ARNT2: variants seen among roughly 807,000 people sequenced by gnomAD.
ARNT2 encodes the protein aryl hydrocarbon receptor nuclear translocator 2, also known as ARNT protein 2.
ARNT2 carries 36 observed loss-of-function variants against 91.7 expected under a neutral mutation model. That is an observed-to-expected ratio of 0.39 (90% CI 0.30 to 0.52). ARNT2 has a LOEUF of 0.52. Ranked by LOEUF, ARNT2 falls within the 20% of genes least tolerant of loss-of-function variation. The pLI is 0.72. For synonymous variants in ARNT2, 365 were observed against 347.1 expected, an observed-to-expected ratio of 1.05 and a Z score of -0.57; for missense variants, 775 against 939.3, an observed-to-expected ratio of 0.83 and a Z score of 2.29.
Position 80,404,486 on chromosome 15 carries a change from C to T in ARNT2, c.-30C>T. On this transcript the variant is annotated 5_prime_UTR_variant, in exon 1 of 19. Coordinates refer to ENST00000303329, the MANE Select transcript of ARNT2 (RefSeq NM_014862.4). The surrounding 1 kb of genome is among the most constrained non-coding windows in gnomAD (Gnocchi z 5.5). ...CCGCGCCGCCCCTCCCGCGCCCCTGCCAAGCGGGCGCCTATCCTCTCCGAG... is the reference window on the plus strand; with the variant it reads ...CCGCGCCGCCCCTCCCGCGCCCCTGTCAAGCGGGCGCCTATCCTCTCCGAG... 8.1e-7 allele frequency: 1 copy of T among 1,227,958 alleles called. No homozygotes were observed. Among genetic ancestry groups the T allele is most frequent in the Non-Finnish European group, 1.0e-6 (1 of 965,668 alleles). 76.1% of individuals were successfully genotyped at this position (1,227,958 alleles called of 1,614,324 possible).
Position 80,591,522 on chromosome 15 carries a change from A to G in ARNT2, c.1919-46A>G, listed in dbSNP as rs199635269. 11 of 1,609,936 alleles carry G rather than the reference A, an allele frequency of 6.8e-6. No individual in the cohort carries two copies. The Admixed American group carries it at 1.5e-4, about 22-fold the overall frequency. On this transcript the variant is annotated intron_variant, in intron 17 of 18. Transcript: ENST00000303329. This position sits in a 1 kb window ranked among gnomAD's most constrained non-coding sequence, Gnocchi z 5.1. ...AGTGGTTCTTAGGTCTCACAGAACC[A>G]CGGGATGGCTTTTAAAGGAAGTGTC...
intron 5 of ARNT2, among the ~76,000 whole-genome samples, chr15:80,481,698 G>A (rs1281579106): frequency 6.6e-6 from 1 of 152,098 alleles, no homozygotes; most frequent in Non-Finnish European, 1.5e-5. Flanking sequence ...GGGTGACAGA[G>A]CGAGACCCTG....
In ARNT2 at chr15:80,591,711, C is replaced by T. The variant is rs11858404; in HGVS notation, c.2055+7C>T. 3.7e-6 allele frequency: 6 copies of T among 1,613,700 alleles called. No homozygotes were observed. The highest frequency in any genetic ancestry group is 2.7e-5 in the African/African-American group (2 of 75,042). ...TCAGACTGAAGTGTTCCAGGTAAAT[C>T]GAGCGAGCACCGCCTTCTCGTAGGT... On this transcript the variant is annotated splice_region_variant and intron_variant, in intron 18 of 18. Coordinates refer to ENST00000303329, the MANE Select transcript of ARNT2 (RefSeq NM_014862.4). The surrounding 1 kb of genome is among the most constrained non-coding windows in gnomAD (Gnocchi z 5.1).
chr15:80,547,374 A>G (rs539809696), intron 8 of ARNT2, among the ~76,000 whole-genome samples: 1 of 152,318 alleles, frequency 6.6e-6, no homozygotes, highest in South Asian at 2.1e-4. Context: ...GCTTCACTTA[A>G]GAATGTCCCT....
At chr15:80,472,077 T>C (rs922813720) in intron 4 of ARNT2, among the ~76,000 whole-genome samples, 1 of 148,308 alleles carries the variant, frequency 6.7e-6, no homozygotes, top group African/African-American at 2.5e-5. Flanking sequence ...AGGTGATGGA[T>C]TTGAAAGCAC....
chr15:80,421,000 A>G (rs1895852525), intron 1 of ARNT2, among the ~76,000 whole-genome samples: 3 of 152,218 alleles, frequency 2.0e-5, no homozygotes, highest in African/African-American at 7.2e-5. Context: ...TAGGGAACCA[A>G]CCTAAGTACC....
intron 1 of ARNT2, among the ~76,000 whole-genome samples, chr15:80,413,067 A>T (rs2141554906): frequency 6.6e-6 from 1 of 151,188 alleles, no homozygotes; most frequent in East Asian, 1.9e-4. Context: ...TCAGTGATTT[A>T]ATAATTTCAG....
At chr15:80,499,822 T>G (rs778861053) in intron 5 of ARNT2, among the ~76,000 whole-genome samples, 2 of 152,158 alleles carry the variant, frequency 1.3e-5, no homozygotes, top group African/African-American at 4.8e-5. Context: ...TGGCAGCTCT[T>G]TTTTTGACTT....
intron 4 of ARNT2, among the ~76,000 whole-genome samples, chr15:80,471,986 C>G (rs908696850): frequency 3.9e-5 from 6 of 152,092 alleles, no homozygotes; most frequent in Admixed American, 1.3e-4. Flanking sequence ...GGCAAATACT[C>G]TAAGCTTCAG....
intron 10 of ARNT2, among the ~76,000 whole-genome samples, chr15:80,553,072 A>G (rs1402194990): frequency 1.3e-5 from 2 of 152,210 alleles, no homozygotes; most frequent in Admixed American, 1.3e-4. Context: ...ATTAATATTC[A>G]TTACAAAGCT....
At position 80,469,974 on chromosome 15, in the gene ARNT2, G is replaced by T. The variant is rs554483828; in HGVS notation, c.195-244G>T. Among the ~76,000 whole-genome samples the T allele has an allele frequency of 2.0e-5, 3 of 152,256 alleles. No individual in the cohort carries two copies. The South Asian group carries it at 6.2e-4, about 32-fold the overall frequency. On this transcript the variant is annotated intron_variant, in intron 3 of 18. Coordinates refer to ENST00000303329, the MANE Select transcript of ARNT2 (RefSeq NM_014862.4). Reference sequence around the variant, plus strand: ...CTCAGGCATATGGGAGTAATTAGAAGATTTTGATATGTATTTAGAGATTGA... The same window carrying T: ...CTCAGGCATATGGGAGTAATTAGAATATTTTGATATGTATTTAGAGATTGA...
At chr15:80,555,327 T>A (rs570166627) in intron 11 of ARNT2, 188 bp downstream of exon 11, 1 of 571,582 alleles carries the variant, frequency 1.7e-6, no homozygotes. Flanking sequence ...AGTAAATAAG[T>A]ACTATGTAAT....
chr15:80,483,887 G>A (rs1896927054), intron 5 of ARNT2, among the ~76,000 whole-genome samples: 1 of 152,222 alleles, frequency 6.6e-6, no homozygotes, highest in Non-Finnish European at 1.5e-5. Flanking sequence ...AGGACAGACT[G>A]TTGAGTTCAG....
At chr15:80,528,918 GA>G (rs1255409835) in intron 8 of ARNT2, among the ~76,000 whole-genome samples, 1 of 152,140 alleles carries the variant, frequency 6.6e-6, no homozygotes, top group Non-Finnish European at 1.5e-5. Context: ...TCTTTTTCAA[GA>G]AACAGGTTTG....
chr15:80,528,366 T>TTATCTATCTATC (rs149942992), intron 8 of ARNT2, among the ~76,000 whole-genome samples: 222 of 148,878 alleles, frequency 1.5e-3, no homozygotes, highest in East Asian at 2.4e-3. Flanking sequence ...ATTTGACCAT[T>TTATCTATCTATC]TATCTATCTA....
At chr15:80,573,123 A>T (rs1898613062) in intron 12 of ARNT2, among the ~76,000 whole-genome samples, 1 of 152,202 alleles carries the variant, frequency 6.6e-6, no homozygotes, top group African/African-American at 2.4e-5. Context: ...CACTTCCCCA[A>T]CACCGTGTGA....
At chr15:80,507,907 G>A (rs1334420850) in intron 5 of ARNT2, among the ~76,000 whole-genome samples, 3 of 152,104 alleles carry the variant, frequency 2.0e-5, no homozygotes, top group Non-Finnish European at 2.9e-5. Flanking sequence ...TGCAGGCGAC[G>A]GAATCCAGCA....
At position 80,597,212 on chromosome 15, in the gene ARNT2, C is replaced by T. The variant is rs1893387792; in HGVS notation, c.*3514C>T. On this transcript the variant is annotated 3_prime_UTR_variant, in exon 19 of 19. Transcript: ENST00000303329. ...AGTCCCAGGGAATGAATGGTGGTCT[C>T]CCCACTCCCGGCAGCACTTTAGGCA... is the stretch of plus-strand genomic sequence containing the variant. 1.9e-6 allele frequency: 1 copy of T among 518,330 alleles called. No individual in the cohort carries two copies. The highest frequency in any genetic ancestry group is 1.9e-5 in the African/African-American group (1 of 51,764). The allele number at this position is 518,330 out of a possible 1,614,324, so 32.1% of individuals were successfully genotyped here.
Position 80,542,562 on chromosome 15 carries a change from GT to G in ARNT2, c.878-8636del, listed in dbSNP as rs1284543298. ...GTGTCACTTCCACTGTATTTTATTG[GT>G]CAAATAGTTGCAGAGGAATCTAACT... On this transcript the variant is annotated intron_variant, in intron 8 of 18. Transcript: ENST00000303329. Among the ~76,000 whole-genome samples the G allele has an allele frequency of 5.9e-5, 9 of 152,070 alleles. No individual in the cohort carries two copies. In the East Asian group the frequency reaches 1.5e-3, roughly 26 times the overall value.
Sources: allele counts gnomAD v4.1 joint callset (sites outside exome capture counted in the v4.1 genomes callset), GRCh38; gene constraint gnomAD v4.1.1; non-coding constraint Gnocchi (gnomAD v3.1); transcripts MANE v1.5; gene names NCBI Gene and HGNC (gene_info 2026-07-23, HGNC 2026-07-21).